Variants in CTNND2 observed in about 807,000 individuals in gnomAD.
CTNND2 encodes catenin delta 2, also known as catenin delta-2.
CTNND2 carries 22 observed loss-of-function variants against 144.4 expected under a neutral mutation model. The ratio of observed to expected loss-of-function variants is 0.15; its 90% confidence interval spans 0.11 to 0.22. The LOEUF is 0.22. CTNND2 is among the 10% of genes least tolerant of loss of function. The pLI is 1.00. For synonymous variants in CTNND2, 751 were observed against 695.6 expected (o/e 1.08, Z -1.25); for missense variants, 1,353 against 1,618.8 (o/e 0.84, Z 2.82).
chr5:11,553,013 G>A lies in CTNND2; in HGVS notation c.287+11931C>T, dbSNP rs75799535. Among the ~76,000 whole-genome samples the A allele has an allele frequency of 2.5e-3, 381 of 152,252 alleles. 3 individuals are homozygous for A. The highest frequency in any genetic ancestry group is 4.1e-3 in the Non-Finnish European group (276 of 68,010). On this transcript the variant is annotated intron_variant, in intron 3 of 21. Coordinates refer to ENST00000304623, the MANE Select transcript of CTNND2 (RefSeq NM_001332.4). ...CGTCATATTTATACACTTACAGCAG[G>A]GAGAGGAATAAGCGTGCATGATTTG...
chr5:11,362,521 C>T lies in CTNND2; in HGVS notation c.1372+2175G>A, dbSNP rs143802072. Among the ~76,000 whole-genome samples the T allele has an allele frequency of 4.3e-3, 661 of 152,250 alleles. 4 individuals are homozygous for T. Among genetic ancestry groups the T allele is most frequent in the African/African-American group, 0.015 (613 of 41,538 alleles). On this transcript the variant is annotated intron_variant, in intron 8 of 21. Transcript: ENST00000304623. ...AGGAGCTGGAGAGAGGTAGTTTCTCCTCCTCCACTTGTGGTCCTAAGAGGT... is the reference window on the plus strand; with the variant it reads ...AGGAGCTGGAGAGAGGTAGTTTCTCTTCCTCCACTTGTGGTCCTAAGAGGT...
intron 18 of CTNND2, among the ~76,000 whole-genome samples, chr5:10,996,575 G>A (rs944276080): frequency 3.9e-5 from 6 of 152,130 alleles, no homozygotes; most frequent in East Asian, 1.9e-4. Context: ...TTTGCGAAAC[G>A]GACACAGGGG....
At chr5:11,557,514 C>T (rs556316205) in intron 3 of CTNND2, among the ~76,000 whole-genome samples, 16 of 152,132 alleles carry the variant, frequency 1.1e-4, no homozygotes, top group East Asian at 1.9e-4. Flanking sequence ...AAAGCCCCTC[C>T]GTCTTCAAAG....
chr5:11,858,658 G>A (rs901683568), intron 1 of CTNND2, among the ~76,000 whole-genome samples: 8 of 152,162 alleles, frequency 5.3e-5, no homozygotes, highest in South Asian at 4.1e-4. Context: ...GGCTGGGCAC[G>A]GTGGCTCACG....
Position 11,585,734 on chromosome 5 carries a change from G to A in CTNND2, c.175-20678C>T, listed in dbSNP as rs576860305. ...AGCAATTCAGGAAAATAAGACGATG[G>A]GGAGACAACTTAAGTAGAATAATTA... On this transcript the variant is annotated intron_variant, in intron 2 of 21. Transcript: ENST00000304623. 3.5e-3 allele frequency among the ~76,000 whole-genome samples: 540 copies of A among 152,234 alleles called. 2 individuals are homozygous for A. Among genetic ancestry groups the A allele is most frequent in the Admixed American group, 7.7e-3 (117 of 15,280 alleles).
chr5:11,584,041 C>T (rs977344746), intron 2 of CTNND2, among the ~76,000 whole-genome samples: 1 of 152,152 alleles, frequency 6.6e-6, no homozygotes, highest in African/African-American at 2.4e-5. Context: ...TAATCCCCCA[C>T]CTCGGCAAGT....
At chr5:11,472,373 T>A (rs2149957623) in intron 3 of CTNND2, among the ~76,000 whole-genome samples, 1 of 152,356 alleles carries the variant, frequency 6.6e-6, no homozygotes, top group South Asian at 2.1e-4. Flanking sequence ...GAAATAATTT[T>A]ACTTCTCATT....
chr5:11,625,043 A>C (rs558264990), intron 2 of CTNND2, among the ~76,000 whole-genome samples: 2 of 152,272 alleles, frequency 1.3e-5, no homozygotes, highest in African/African-American at 2.4e-5. Context: ...ACCCTTCAAC[A>C]ATATGCACTG....
chr5:11,312,825 T>C (rs1751133754), intron 9 of CTNND2, among the ~76,000 whole-genome samples: 1 of 150,556 alleles, frequency 6.6e-6, no homozygotes, highest in South Asian at 2.1e-4. Flanking sequence ...CTTGTCCTTT[T>C]CACATATCTG....
chr5:11,891,525 G>C (rs992738517), intron 1 of CTNND2, among the ~76,000 whole-genome samples: 7 of 152,138 alleles, frequency 4.6e-5, no homozygotes, highest in African/African-American at 1.7e-4. Context: ...ATTTGGAAAT[G>C]GGACCCCCGG....
chr5:11,693,902 T>G (rs967309189), intron 2 of CTNND2, among the ~76,000 whole-genome samples: 1 of 152,244 alleles, frequency 6.6e-6, no homozygotes, highest in Non-Finnish European at 1.5e-5. Context: ...ATCAACTAAT[T>G]AATGCATAAT....
At chr5:11,791,085 A>G (rs1423884032) in intron 1 of CTNND2, among the ~76,000 whole-genome samples, 1 of 152,192 alleles carries the variant, frequency 6.6e-6, no homozygotes, top group East Asian at 1.9e-4. Flanking sequence ...CAGTGGAGCA[A>G]CATATCTACA....
chr5:11,048,026 G>C (rs897848270), intron 16 of CTNND2, among the ~76,000 whole-genome samples: 1 of 152,118 alleles, frequency 6.6e-6, no homozygotes, highest in African/African-American at 2.4e-5. Context: ...AGCTGCTTCT[G>C]CTGGCCGCTT....
chr5:11,865,994 A>G (rs183175861), intron 1 of CTNND2, among the ~76,000 whole-genome samples: 2 of 152,012 alleles, frequency 1.3e-5, no homozygotes, highest in East Asian at 3.9e-4. Flanking sequence ...ACCCACATAG[A>G]GCTTCAAACA....
At chr5:11,229,225 T>C (rs962494597) in intron 10 of CTNND2, among the ~76,000 whole-genome samples, 2 of 152,228 alleles carry the variant, frequency 1.3e-5, no homozygotes, top group African/African-American at 4.8e-5. Context: ...AAATAAGGCA[T>C]GTTTAAAAAT....
At chr5:11,751,885 G>T (rs1581823918) in intron 1 of CTNND2, among the ~76,000 whole-genome samples, 1 of 151,778 alleles carries the variant, frequency 6.6e-6, no homozygotes, top group Admixed American at 6.6e-5. Context: ...GTTACTATTT[G>T]ACTTCTTAAT....
intron 2 of CTNND2, among the ~76,000 whole-genome samples, chr5:11,626,478 C>A (rs1039741999): frequency 1.3e-5 from 2 of 152,186 alleles, no homozygotes; most frequent in African/African-American, 4.8e-5. Context: ...GGAATGTACA[C>A]ATTGCTAATT....
intron 12 of CTNND2, among the ~76,000 whole-genome samples, chr5:11,135,604 C>T (rs920260297): frequency 1.3e-5 from 2 of 152,290 alleles, no homozygotes. Flanking sequence ...TAATTTGAAT[C>T]ACAAATACTC....
chr5:11,117,134 TAA>T (rs75199991), intron 13 of CTNND2, among the ~76,000 whole-genome samples: 54 of 146,064 alleles, frequency 3.7e-4, no homozygotes, highest in African/African-American at 5.2e-4. Flanking sequence ...TGGATTACAT[TAA>T]AAAAAAAAAA....
Sources: gnomAD v4.1 joint callset for allele counts (sites outside exome capture counted in the v4.1 genomes callset) on GRCh38, gnomAD v4.1.1 for gene constraint, MANE v1.5 for transcripts, NCBI Gene and HGNC (gene_info 2026-07-23, HGNC 2026-07-21) for gene names.